Variants in LRRC4C observed in about 807,000 individuals in gnomAD.
LRRC4C encodes the protein leucine rich repeat containing 4C, also known as leucine-rich repeat-containing protein 4C.
In LRRC4C, 5 loss-of-function variants were observed where a neutral mutation model predicts 33.6. The ratio of observed to expected loss-of-function variants is 0.15; its 90% CI spans 0.08 to 0.31. LRRC4C has a LOEUF of 0.31. Ranked by LOEUF, LRRC4C falls within the 10% of genes least tolerant of loss-of-function variation. The pLI, the probability that LRRC4C is intolerant of heterozygous loss-of-function variation, is 1.00. For synonymous variants in LRRC4C, 329 were observed against 302.0 expected, an observed-to-expected ratio of 1.09 and a Z score of -0.93; for missense variants, 560 against 796.7, an observed-to-expected ratio of 0.70 and a Z score of 3.58.
intron 5 of LRRC4C, among the ~76,000 whole-genome samples, chr11:40,233,854 C>T (rs548185817): frequency 2.0e-5 from 3 of 152,204 alleles, no homozygotes; most frequent in South Asian, 2.1e-4. Context: ...ATATGTTATG[C>T]CTTATCTAAC....
intron 2 of LRRC4C, among the ~76,000 whole-genome samples, chr11:40,886,102 G>A (rs969000302): frequency 6.6e-6 from 1 of 152,006 alleles, no homozygotes; most frequent in East Asian, 1.9e-4. Flanking sequence ...CATTGGCATA[G>A]TAATTAATAA....
intron 1 of LRRC4C, among the ~76,000 whole-genome samples, chr11:41,361,437 G>A (rs948010392): frequency 2.0e-5 from 3 of 152,174 alleles, no homozygotes; most frequent in Admixed American, 6.5e-5. Context: ...GTAATGGAAA[G>A]TATGAATGTT....
chr11:41,456,203 C>T (rs949548851), intron 1 of LRRC4C, among the ~76,000 whole-genome samples: 1 of 152,086 alleles, frequency 6.6e-6, no homozygotes, highest in Non-Finnish European at 1.5e-5. Flanking sequence ...TTCTTATTAG[C>T]CACAGTTTCA....
At chr11:40,249,660 T>C (rs1866621611) in intron 4 of LRRC4C, among the ~76,000 whole-genome samples, 1 of 151,822 alleles carries the variant, frequency 6.6e-6, no homozygotes, top group Non-Finnish European at 1.5e-5. Context: ...ACTGGGAAAC[T>C]GCATTCAGAA....
chr11:41,244,843 A>G (rs1948388544), intron 1 of LRRC4C, among the ~76,000 whole-genome samples: 1 of 152,194 alleles, frequency 6.6e-6, no homozygotes, highest in African/African-American at 2.4e-5. Flanking sequence ...CTGCAGGCAC[A>G]GGGACTCAAG....
At chr11:40,941,383 T>G (rs1958138029) in intron 1 of LRRC4C, among the ~76,000 whole-genome samples, 1 of 152,108 alleles carries the variant, frequency 6.6e-6, no homozygotes, top group African/African-American at 2.4e-5. Context: ...ATAGATTTTA[T>G]GTTAAATATA....
At chr11:40,921,567 C>A (rs1282566107) in intron 2 of LRRC4C, among the ~76,000 whole-genome samples, 1 of 152,108 alleles carries the variant, frequency 6.6e-6, no homozygotes, top group African/African-American at 2.4e-5. Context: ...CTATGAGGAA[C>A]TTCTGTCAGA....
chr11:41,403,891 T>C (rs566221831), intron 1 of LRRC4C, among the ~76,000 whole-genome samples: 2 of 152,194 alleles, frequency 1.3e-5, no homozygotes, highest in East Asian at 3.9e-4. Context: ...ACAGTGGAAC[T>C]TGTTATTTAA....
chr11:40,887,850 G>A (rs914689999), intron 2 of LRRC4C, among the ~76,000 whole-genome samples: 3 of 151,696 alleles, frequency 2.0e-5, no homozygotes, highest in Non-Finnish European at 2.9e-5. Flanking sequence ...ATATCCTTGT[G>A]GCTCTTTATT....
At chr11:40,756,119 A>G (rs1431168026) in intron 2 of LRRC4C, among the ~76,000 whole-genome samples, 1 of 152,026 alleles carries the variant, frequency 6.6e-6, no homozygotes, top group Non-Finnish European at 1.5e-5. Flanking sequence ...AAGGAGACAG[A>G]CCTGGAACAG....
chr11:41,377,926 C>T (rs940076257), intron 1 of LRRC4C, among the ~76,000 whole-genome samples: 1 of 152,140 alleles, frequency 6.6e-6, no homozygotes, highest in Non-Finnish European at 1.5e-5. Flanking sequence ...GGCAATCGCC[C>T]TCTTGAACTG....
rs546878704 is a variant in LRRC4C, at chr11:41,393,848, A to G, written c.-496+65583T>C. 4.6e-5 allele frequency among the ~76,000 whole-genome samples: 7 copies of G among 152,136 alleles called. No individual in the cohort carries two copies. In the East Asian group the frequency reaches 1.4e-3, roughly 30 times the overall value. On this transcript the variant is annotated intron_variant, in intron 1 of 6. Transcript: ENST00000528697. Reference sequence around the variant, plus strand: ...TGCTTTCAATAGTATTAGTGCTGCTAGCATATGCAAGTGAATTCCATAACA... The same window carrying G: ...TGCTTTCAATAGTATTAGTGCTGCTGGCATATGCAAGTGAATTCCATAACA...
At chr11:41,449,086 G>A (rs1016886290) in intron 1 of LRRC4C, among the ~76,000 whole-genome samples, 2 of 152,182 alleles carry the variant, frequency 1.3e-5, no homozygotes, top group Non-Finnish European at 2.9e-5. Flanking sequence ...GGAAGCTGTG[G>A]AGTAGGGTAG....
At chr11:41,283,787 C>T (rs181226433) in intron 1 of LRRC4C, among the ~76,000 whole-genome samples, 4 of 152,222 alleles carry the variant, frequency 2.6e-5, no homozygotes, top group East Asian at 3.9e-4. Flanking sequence ...GTATACATTC[C>T]GGAACTAGGC....
rs550417514 is a variant in LRRC4C, at chr11:41,364,074, G to A, written c.-496+95357C>T. Among the ~76,000 whole-genome samples, 14 of 152,074 alleles carry A rather than the reference G, an allele frequency of 9.2e-5. 1 individual carries two copies. The South Asian group carries it at 2.7e-3, about 29-fold the overall frequency. ...AGTGATCATTTCTTTCTAGGACTGC[G>A]TTTGCACTGCCATAAACCATGACCT... is the stretch of plus-strand genomic sequence containing the variant. On this transcript the variant is annotated intron_variant, in intron 1 of 6. Transcript: ENST00000528697.
chr11:41,144,083 C>G (rs1032362351), intron 1 of LRRC4C, among the ~76,000 whole-genome samples: 2 of 152,162 alleles, frequency 1.3e-5, no homozygotes, highest in Non-Finnish European at 2.9e-5. Context: ...CATTTTTGCT[C>G]TATCACCTCA....
intron 1 of LRRC4C, among the ~76,000 whole-genome samples, chr11:41,422,610 A>C (rs1954909235): frequency 6.6e-6 from 1 of 151,288 alleles, no homozygotes; most frequent in Non-Finnish European, 1.5e-5. Context: ...CCCTAGAACG[A>C]CTCCACCCCA....
intron 1 of LRRC4C, among the ~76,000 whole-genome samples, chr11:41,408,472 T>C (rs1296858480): frequency 6.6e-6 from 1 of 152,108 alleles, no homozygotes; most frequent in Non-Finnish European, 1.5e-5. Flanking sequence ...CATATTTGGA[T>C]CAAGTGATTG....
At chr11:40,205,239 G>GA (rs2135764366) in intron 5 of LRRC4C, among the ~76,000 whole-genome samples, 1 of 152,210 alleles carries the variant, frequency 6.6e-6, no homozygotes, top group East Asian at 1.9e-4. Flanking sequence ...TTTTACCTGA[G>GA]AAAAATAAAA....
Sources: gnomAD v4.1 joint callset for allele counts (sites outside exome capture counted in the v4.1 genomes callset) on GRCh38, gnomAD v4.1.1 for gene constraint, MANE v1.5 for transcripts, NCBI Gene and HGNC (gene_info 2026-07-23, HGNC 2026-07-21) for gene names.